The following BLK variants were observed in gnomAD, a reference collection of about 807,000 sequenced individuals.
BLK encodes tyrosine-protein kinase Blk.
Under a neutral mutation model 61.8 loss-of-function variants are expected in BLK, and 64 were observed. The ratio of observed to expected loss-of-function variants is 1.03; its 90% CI spans 0.85 to 1.27. The LOEUF is 1.27. Ranked by LOEUF, BLK falls within the 50% of genes most tolerant of loss-of-function variation. BLK has a pLI of 0.00. For missense variants in BLK, 853 were observed against 660.5 expected, an observed-to-expected ratio of 1.29 and a Z score of -3.19; for synonymous variants, 351 against 272.0, an observed-to-expected ratio of 1.29 and a Z score of -2.86.
intron 1 of BLK, among the ~76,000 whole-genome samples, chr8:11,526,114 C>G (rs750926677): frequency 1.2e-4 from 18 of 152,164 alleles, no homozygotes; most frequent in Non-Finnish European, 2.4e-4. Flanking sequence ...ACAGTTACAA[C>G]TTCAAGAAAT....
At chr8:11,514,378 C>T (rs1217200320) in intron 1 of BLK, among the ~76,000 whole-genome samples, 5 of 152,302 alleles carry the variant, frequency 3.3e-5, no homozygotes, top group East Asian at 1.9e-4. Flanking sequence ...GGCAGAAGGA[C>T]GCTAAACAAG....
intron 1 of BLK, among the ~76,000 whole-genome samples, chr8:11,498,353 T>A (rs1798432631): frequency 6.6e-6 from 1 of 152,240 alleles, no homozygotes; most frequent in African/African-American, 2.4e-5. Flanking sequence ...GGATTCCTGA[T>A]GAGTTTCCTG....
chr8:11,515,861 G>T (rs971454595), intron 1 of BLK, among the ~76,000 whole-genome samples: 12 of 152,284 alleles, frequency 7.9e-5, no homozygotes, highest in Middle Eastern at 3.4e-3. Flanking sequence ...AATCAAGTGG[G>T]CTCCTGCTGG....
chr8:11,549,118 G>T lies in BLK; in HGVS notation c.364G>T (p.Glu122Ter). Residue 122 changes from glutamate (E) to a stop codon, truncating the protein, a stop_gained, in exon 5 of 13, where the codon GAA (glutamate) becomes TAA (stop). Coordinates refer to ENST00000259089, the MANE Select transcript of BLK (RefSeq NM_001715.3). LOFTEE classifies it high-confidence loss of function. Reference sequence around the variant, plus strand: ...GGCCCGAGTGGAGAGCCTGGAAATGGAAAGGTAGGTGGGCACGGGAACCCC... The same window carrying T: ...GGCCCGAGTGGAGAGCCTGGAAATGTAAAGGTAGGTGGGCACGGGAACCCC... ...FVARVESLEM[E>*]RWFFRSQGRK... 1.2e-6 allele frequency: 2 copies of T among 1,604,712 alleles called. No individual in the cohort carries two copies.
intron 1 of BLK, among the ~76,000 whole-genome samples, chr8:11,529,553 G>A (rs140479383): frequency 0.017 from 2,593 of 152,170 alleles, 44 homozygotes; most frequent in African/African-American, 0.045. Flanking sequence ...TTTGGGGGGT[G>A]GGAGATCAGA....
At chr8:11,533,555 C>T (rs1431874700) in intron 1 of BLK, among the ~76,000 whole-genome samples, 1 of 147,358 alleles carries the variant, frequency 6.8e-6, no homozygotes, top group Non-Finnish European at 1.5e-5. Flanking sequence ...AATCTCTCTT[C>T]TGTGCTTCAG....
At chr8:11,555,989 A>T in intron 8 of BLK, 2 of 268,248 alleles carry the variant, frequency 7.5e-6, no homozygotes, top group Non-Finnish European at 1.5e-5. Flanking sequence ...AGGATATAAA[A>T]CTCGTGTTCC....
intron 8 of BLK, 49 bp from the exon 9 acceptor site, chr8:11,556,609 G>A (rs747787096): frequency 1.9e-5 from 30 of 1,612,666 alleles, no homozygotes; most frequent in African/African-American, 8.0e-5. Context: ...GATCACCTCC[G>A]AGCAAGCTCT....
chr8:11,563,184 G>A (rs1801571453), intron 12 of BLK, 74 bp downstream of exon 12: 1 of 1,603,428 alleles, frequency 6.2e-7, no homozygotes, highest in South Asian at 1.1e-5. Context: ...CCTGTGCTTG[G>A]TGCCTGTGGC....
chr8:11,504,401 G>A (rs937730474), intron 1 of BLK, among the ~76,000 whole-genome samples: 2 of 98,486 alleles, frequency 2.0e-5, no homozygotes, highest in African/African-American at 3.3e-5. Flanking sequence ...GAAAAGAAAA[G>A]AAAAGAAAAG....
chr8:11,532,572 T>A (rs1799934990), intron 1 of BLK, among the ~76,000 whole-genome samples: 1 of 152,150 alleles, frequency 6.6e-6, no homozygotes, highest in Non-Finnish European at 1.5e-5. Context: ...CCATTTAATT[T>A]TTTTATGTCT....
intron 1 of BLK, among the ~76,000 whole-genome samples, chr8:11,529,655 A>G (rs1425118890): frequency 2.0e-5 from 3 of 152,112 alleles, no homozygotes; most frequent in Non-Finnish European, 2.9e-5. Flanking sequence ...AGTTCCCAGG[A>G]AAGAAGGAGG....
chr8:11,510,817 A>C (rs901522997), intron 1 of BLK, among the ~76,000 whole-genome samples: 1 of 143,582 alleles, frequency 7.0e-6, no homozygotes, highest in African/African-American at 2.5e-5. Flanking sequence ...AAATAAATAA[A>C]TACATAAATA....
chr8:11,506,862 C>T (rs537755165), intron 1 of BLK, among the ~76,000 whole-genome samples: 4 of 152,304 alleles, frequency 2.6e-5, no homozygotes, highest in Admixed American at 6.5e-5. Context: ...CCACTTGAGA[C>T]GCGGTTGCCC....
intron 10 of BLK, chr8:11,560,541 A>T (rs536253748): frequency 3.5e-6 from 1 of 284,272 alleles, no homozygotes; most frequent in African/African-American, 2.2e-5. Flanking sequence ...TTTCTGCCTC[A>T]GTTTCTTCGT....
chr8:11,542,866 C>A (rs924155950), intron 1 of BLK, among the ~76,000 whole-genome samples: 5 of 152,144 alleles, frequency 3.3e-5, no homozygotes, highest in Admixed American at 6.6e-5. Context: ...GAAAACTAAA[C>A]CCAGAGCCCC....
At chr8:11,504,641 C>T (rs1450122006) in intron 1 of BLK, among the ~76,000 whole-genome samples, 1 of 152,206 alleles carries the variant, frequency 6.6e-6, no homozygotes, top group Non-Finnish European at 1.5e-5. Context: ...GCTACTAGCT[C>T]AGGCTACATG....
At chr8:11,545,080 A>C (rs1188677609) in intron 2 of BLK, among the ~76,000 whole-genome samples, 3 of 152,212 alleles carry the variant, frequency 2.0e-5, no homozygotes, top group Non-Finnish European at 4.4e-5. Context: ...GTAAACTTTA[A>C]ATCAACTACA....
In BLK at chr8:11,558,000, A is replaced by C; in HGVS notation, c.991A>C (p.Arg331=). The part of the protein sequence containing the change: ...LDFLKTDEGS[R]LSLPRLIDMS... The stretch of plus-strand genomic sequence containing the variant: ...TTTCCTGAAGACAGATGAAGGGAGC[A>C]GATTGTCACTCCCAAGGCTGATTGA... The change falls in exon 10 of 13, where the codon AGA becomes CGA. Residue 331 remains arginine, a synonymous_variant. Coordinates refer to ENST00000259089, the MANE Select transcript of BLK (RefSeq NM_001715.3). The C allele has an allele frequency of 6.2e-7, 1 of 1,614,136 alleles. No individual in the cohort carries two copies. The highest frequency in any genetic ancestry group is 1.1e-5 in the South Asian group (1 of 91,080).
Sources: gnomAD v4.1 joint callset for allele counts (sites outside exome capture counted in the v4.1 genomes callset) on GRCh38, gnomAD v4.1.1 for gene constraint, MANE v1.5 for transcripts, NCBI Gene and HGNC (gene_info 2026-07-23, HGNC 2026-07-21) for gene names.